The following PRKDC variants were observed in gnomAD, a reference collection of about 807,000 sequenced individuals.
PRKDC encodes the protein DNA-dependent protein kinase catalytic subunit.
Under a neutral mutation model 486.9 loss-of-function variants are expected in PRKDC, and 82 were observed. The observed-to-expected ratio is 0.17, with a 90% CI of 0.14 to 0.20. PRKDC has a LOEUF of 0.20. PRKDC is among the 10% of genes least tolerant of loss of function. The pLI, the probability that PRKDC is intolerant of heterozygous loss-of-function variation, is 1.00. For synonymous variants in PRKDC, 1,895 were observed against 1,837.0 expected (o/e 1.03, Z -0.81); for missense variants, 4,504 against 5,038.2 (o/e 0.89, Z 3.21).
At chr8:47,864,382 G>A (rs1037779434) in intron 41 of PRKDC, among the ~76,000 whole-genome samples, 174 bp downstream of exon 41, 14 of 152,090 alleles carry the variant, frequency 9.2e-5, no homozygotes, top group African/African-American at 2.7e-4. Flanking sequence ...CCAAATTTGC[G>A]TTAAGTTGTT....
At chr8:47,801,802 AAC>A (rs565437723) in intron 70 of PRKDC, among the ~76,000 whole-genome samples, 54 of 152,262 alleles carry the variant, frequency 3.5e-4, no homozygotes, top group Non-Finnish European at 6.9e-4. Context: ...GAGGTGCGAT[AAC>A]AGTGTTGAAA....
chr8:47,855,741 A>G (rs2088523633), intron 49 of PRKDC, among the ~76,000 whole-genome samples: 1 of 152,206 alleles, frequency 6.6e-6, no homozygotes, highest in African/African-American at 2.4e-5. Context: ...CCGACTCAGT[A>G]TCCAGTGCTT....
rs1044383275 is a variant in PRKDC, at chr8:47,803,194, G to A, written c.9922+112C>T. 78 of 1,082,970 alleles carry A rather than the reference G, an allele frequency of 7.2e-5. 1 individual carries two copies. The highest frequency in any genetic ancestry group is 9.7e-5 in the Non-Finnish European group (76 of 780,696). 67.1% of individuals were successfully genotyped at this position (1,082,970 alleles called of 1,614,324 possible). ...CTTTGCTATATTCCCTGAAATTACT[G>A]CAAAGATTTACCTCCCAAATGTCAG... On this transcript the variant is annotated intron_variant, in intron 70 of 85. Coordinates refer to ENST00000314191, the MANE Select transcript of PRKDC (RefSeq NM_006904.7).
intron 49 of PRKDC, among the ~76,000 whole-genome samples, chr8:47,856,246 G>A (rs2088537915): frequency 6.6e-6 from 1 of 151,936 alleles, no homozygotes; most frequent in Non-Finnish European, 1.5e-5. Context: ...GGAGCTGGGG[G>A]AACGTAGTCT....
At chr8:47,783,911 G>T (rs2086743712) in intron 77 of PRKDC, 102 bp from the exon 78 acceptor site, 1 of 1,154,064 alleles carries the variant, frequency 8.7e-7, no homozygotes, top group African/African-American at 1.5e-5. Context: ...AATCTAACAT[G>T]ATAAAACCTT....
At chr8:47,932,576 C>T (rs1263376391) in intron 16 of PRKDC, among the ~76,000 whole-genome samples, 1 of 152,082 alleles carries the variant, frequency 6.6e-6, no homozygotes, top group Admixed American at 6.6e-5. Flanking sequence ...AAAGGGAGGG[C>T]ATTTTCTTAT....
rs541356186 is a variant in PRKDC at position 47,878,306 on chromosome 8, C to T, written c.5236-455G>A. On this transcript the variant is annotated intron_variant, in intron 39 of 85. Coordinates refer to ENST00000314191, the MANE Select transcript of PRKDC (RefSeq NM_006904.7). ...ATTTTTAGTAGAGACGGGGTTTCAC[C>T]GTGTTAGCCAGGATGGTCTCGATCT... Among the ~76,000 whole-genome samples, 165 of 152,140 alleles carry T rather than the reference C, an allele frequency of 1.1e-3. 1 individual carries two copies. The highest frequency in any genetic ancestry group is 3.6e-3 in the African/African-American group (148 of 41,516).
chr8:47,867,893 T>C (rs1359595356), intron 40 of PRKDC, among the ~76,000 whole-genome samples: 1 of 152,224 alleles, frequency 6.6e-6, no homozygotes, highest in Non-Finnish European at 1.5e-5. Context: ...GTCAGTTTTA[T>C]CACAAATGGA....
At chr8:47,802,074 T>C (rs1015974758) in intron 70 of PRKDC, among the ~76,000 whole-genome samples, 3 of 152,200 alleles carry the variant, frequency 2.0e-5, no homozygotes, top group African/African-American at 7.2e-5. Flanking sequence ...CTTCTTCTTC[T>C]TTTTTTAGAA....
At chr8:47,845,880 A>G (rs1288205548) in intron 54 of PRKDC, among the ~76,000 whole-genome samples, 1 of 152,190 alleles carries the variant, frequency 6.6e-6, no homozygotes, top group Non-Finnish European at 1.5e-5. Context: ...CACAATGAAA[A>G]AAGAAAACGT....
In PRKDC at chr8:47,914,063, G is replaced by A. The variant is rs1236693620; in HGVS notation, c.2619C>T (p.Val873=). The A allele has an allele frequency of 4.7e-6, 7 of 1,479,306 alleles. No homozygotes were observed. Among genetic ancestry groups the A allele is most frequent in the Admixed American group, 2.4e-5 (1 of 41,964 alleles). The allele number at this position is 1,479,306 out of a possible 1,614,324, so 91.6% of individuals were successfully genotyped here. ...TCTTCATCATCTCATCTGAGGACGT[G>A]ACTGTTAGAAAAGATTTAAGAAGAA... ...GGQINKNLLT[V]TSSDEMMKSY... The change falls in exon 24 of 86, where the codon GTC becomes GTT. Residue 873 remains valine, a splice_region_variant and synonymous_variant. Coordinates refer to ENST00000314191, the MANE Select transcript of PRKDC (RefSeq NM_006904.7).
intron 68 of PRKDC, among the ~76,000 whole-genome samples, chr8:47,814,430 G>A (rs546291371): frequency 9.7e-4 from 148 of 152,122 alleles, no homozygotes; most frequent in African/African-American, 3.3e-3. Flanking sequence ...TGGCTCTATC[G>A]GCAGATGATA....
At chr8:47,868,307 C>T (rs2088862909) in intron 40 of PRKDC, among the ~76,000 whole-genome samples, 1 of 151,812 alleles carries the variant, frequency 6.6e-6, no homozygotes, top group Non-Finnish European at 1.5e-5. Flanking sequence ...CTTGTAATCC[C>T]AGCAATTTGG....
intron 36 of PRKDC, among the ~76,000 whole-genome samples, chr8:47,883,721 C>A (rs541918344): frequency 1.3e-5 from 2 of 152,384 alleles, no homozygotes; most frequent in South Asian, 2.1e-4. Flanking sequence ...TGTTCATTCT[C>A]CATAGCAATT....
At position 47,876,977 on chromosome 8, in the gene PRKDC, G is replaced by A. The variant is rs1004886786; in HGVS notation, c.5363+747C>T. ...CAGACATTATGCACCTCCTAATGCC[G>A]TGAATAAGAAGTATAAAGTATCAAC... On this transcript the variant is annotated intron_variant, in intron 40 of 85. Coordinates refer to ENST00000314191, the MANE Select transcript of PRKDC (RefSeq NM_006904.7). 5.3e-5 allele frequency among the ~76,000 whole-genome samples: 8 copies of A among 152,294 alleles called. No individual in the cohort carries two copies. In the South Asian group the frequency reaches 8.3e-4, roughly 16 times the overall value.
intron 31 of PRKDC, among the ~76,000 whole-genome samples, chr8:47,891,255 A>G (rs1342900397): frequency 6.6e-6 from 1 of 152,250 alleles, no homozygotes; most frequent in Admixed American, 6.5e-5. Flanking sequence ...CTGTTGAAAG[A>G]GTAAAGGCAA....
intron 50 of PRKDC, among the ~76,000 whole-genome samples, chr8:47,854,545 T>C (rs993742715): frequency 1.3e-5 from 2 of 152,078 alleles, no homozygotes; most frequent in Non-Finnish European, 2.9e-5. Flanking sequence ...TTTCACTGTG[T>C]TAGCCAGGAT....
intron 1 of PRKDC, among the ~76,000 whole-genome samples, chr8:47,959,571 C>CG (rs1235361761): frequency 1.3e-5 from 2 of 151,560 alleles, no homozygotes; most frequent in African/African-American, 2.4e-5. Flanking sequence ...CCCAGCTACT[C>CG]GGGGGGCTGA....
Position 47,936,415 on chromosome 8 carries a change from G to A in PRKDC, c.1216C>T (p.Arg406Cys), listed in dbSNP as rs745764246. ...FLTQTDTGDD[R>C]VYQMPSFLQS... ...AGGAAGCTTGGCATCTGATAAACAC[G>A]GTCGTCACCAGTGTCTGTCTGGGTG... The change falls in exon 12 of 86, where the codon CGT (arginine) becomes TGT (cysteine). Residue 406 changes from arginine (R) to cysteine (C), a missense_variant. Around this residue, in one of 6 missense-constraint regions of PRKDC, gnomAD observed 1,969 missense variants for 2,068.9 expected, o/e 0.95. Coordinates refer to ENST00000314191, the MANE Select transcript of PRKDC (RefSeq NM_006904.7). The A allele has an allele frequency of 2.5e-6, 4 of 1,613,934 alleles. No individual in the cohort carries two copies. The highest frequency in any genetic ancestry group is 1.7e-5 in the Admixed American group (1 of 59,990).
Sources: gnomAD v4.1 joint callset for allele counts (sites outside exome capture counted in the v4.1 genomes callset) on GRCh38, gnomAD v4.1.1 for gene constraint, gnomAD v4.1.1 regional missense constraint, MANE v1.5 for transcripts, NCBI Gene and HGNC (gene_info 2026-07-23, HGNC 2026-07-21) for gene names.